The following PCDHGA6 variants were observed in gnomAD, a reference collection of about 807,000 sequenced individuals.
PCDHGA6 encodes the protein protocadherin gamma-A6.
PCDHGA6 carries 41 observed loss-of-function variants against 60.6 expected under a neutral mutation model. The observed-to-expected ratio is 0.68, with a 90% CI of 0.53 to 0.88. PCDHGA6 has a LOEUF of 0.88. Among genes scored for constraint, PCDHGA6 ranks in the 40% least tolerant of loss-of-function variants. The pLI, the probability that PCDHGA6 is intolerant of heterozygous loss-of-function variation, is 0.00. For missense variants in PCDHGA6, 1,312 were observed against 1,203.0 expected (o/e 1.09, Z -1.34); for synonymous variants, 594 against 524.4 (o/e 1.13, Z -1.81).
At chr5:141,419,472 G>T in intron 1 of PCDHGA6, 1 of 1,612,328 alleles carries the variant, frequency 6.2e-7, no homozygotes, top group South Asian at 1.1e-5. Flanking sequence ...CGCGACCAGG[G>T]CTCGCCCGCG....
At chr5:141,474,044 T>A (rs1442885504) in intron 1 of PCDHGA6, among the ~76,000 whole-genome samples, 3 of 152,162 alleles carry the variant, frequency 2.0e-5, no homozygotes. Context: ...TACTCCAGCC[T>A]GGATGACAGA....
intron 3 of PCDHGA6, among the ~76,000 whole-genome samples, chr5:141,508,711 T>G (rs1201917424): frequency 6.6e-6 from 1 of 152,058 alleles, no homozygotes; most frequent in Admixed American, 6.5e-5. Flanking sequence ...CTCATTCTTT[T>G]CTGTGTGCAG....
intron 1 of PCDHGA6, among the ~76,000 whole-genome samples, chr5:141,480,873 C>A (rs1026513782): frequency 6.6e-6 from 1 of 152,168 alleles, no homozygotes; most frequent in East Asian, 1.9e-4. Context: ...GGTGAAACCC[C>A]GTCTCTACTA....
Position 141,466,657 on chromosome 5 carries a change from C to T in PCDHGA6, c.2425-28150C>T, listed in dbSNP as rs143657719. Among the ~76,000 whole-genome samples the T allele has an allele frequency of 1.4e-3, 211 of 152,280 alleles. 1 individual carries two copies. The highest frequency in any genetic ancestry group is 4.7e-3 in the African/African-American group (197 of 41,542). On this transcript the variant is annotated intron_variant, in intron 1 of 3. Transcript: ENST00000517434. ...TCTCCATAAACTTTTCACAAAACAT[C>T]AGTGATTTCACCGTTCTTCCACTCA...
At chr5:141,502,961 A>G (rs886622146) in intron 2 of PCDHGA6, among the ~76,000 whole-genome samples, 3 of 146,786 alleles carry the variant, frequency 2.0e-5, no homozygotes, top group Non-Finnish European at 4.4e-5. Context: ...CTCCTGCCTC[A>G]GCCTCCCAAG....
At chr5:141,428,613 C>T (rs1247239314) in intron 1 of PCDHGA6, 1 of 212,608 alleles carries the variant, frequency 4.7e-6, no homozygotes, top group African/African-American at 2.3e-5. Flanking sequence ...AAGAGAATAA[C>T]AAGATAAGCT....
intron 2 of PCDHGA6, among the ~76,000 whole-genome samples, chr5:141,498,963 GGGAGGGAGGGAAGGAAGGAA>G (rs1472475865): frequency 5.7e-4 from 74 of 129,970 alleles, no homozygotes; most frequent in Non-Finnish European, 2.6e-4. Flanking sequence ...GAGAGAGGGA[GGGAGGGAGGGAAGGAAGGAA>G]GGAAGGAAGG....
intron 1 of PCDHGA6, chr5:141,422,401 C>G: frequency 6.3e-7 from 1 of 1,598,896 alleles, no homozygotes; most frequent in Non-Finnish European, 8.5e-7. Context: ...TAACCACCTG[C>G]CTTTTAAATT....
chr5:141,421,927 C>T (rs1179128418), intron 1 of PCDHGA6: 2 of 1,613,396 alleles, frequency 1.2e-6, no homozygotes, highest in African/African-American at 2.7e-5. Flanking sequence ...TGTGGTGGTC[C>T]TCGATGTAAA....
chr5:141,388,941 C>G, intron 1 of PCDHGA6: 1 of 1,613,962 alleles, frequency 6.2e-7, no homozygotes, highest in South Asian at 1.1e-5. Context: ...TCTACCCAAC[C>G]TAATTATGGA....
chr5:141,433,401 A>ATCTATCTATCTATCTC (rs1444244130), intron 1 of PCDHGA6, among the ~76,000 whole-genome samples: 1 of 150,482 alleles, frequency 6.6e-6, no homozygotes, highest in African/African-American at 2.4e-5. Context: ...CTATCTATCT[A>ATCTATCTATCTATCTC]TCTATTACTT....
At position 141,477,056 on chromosome 5, in the gene PCDHGA6, G is replaced by T; in HGVS notation, c.2425-17751G>T. 6.2e-7 allele frequency: 1 copy of T among 1,614,242 alleles called. No homozygotes were observed. The highest frequency in any genetic ancestry group is 8.5e-7 in the Non-Finnish European group (1 of 1,180,046). Reference sequence around the variant, plus strand: ...AATCAAGGGTCGGCTGGACTTCGAGGACACCAAACTCCATGAGATTTACAT... The same window carrying T: ...AATCAAGGGTCGGCTGGACTTCGAGTACACCAAACTCCATGAGATTTACAT... On this transcript the variant is annotated intron_variant, in intron 1 of 3. Coordinates refer to ENST00000517434, the MANE Select transcript of PCDHGA6 (RefSeq NM_018919.3). This position sits in a 1 kb window ranked among gnomAD's most constrained non-coding sequence, Gnocchi z 4.9.
At chr5:141,472,980 C>CAAAAAAA (rs60579131) in intron 1 of PCDHGA6, among the ~76,000 whole-genome samples, 1 of 86,102 alleles carries the variant, frequency 1.2e-5, no homozygotes, top group South Asian at 4.3e-4. Flanking sequence ...GAGTGAAACT[C>CAAAAAAA]AAAAAAAAAA....
chr5:141,400,168 C>G, intron 1 of PCDHGA6: 1 of 1,614,088 alleles, frequency 6.2e-7, no homozygotes, highest in South Asian at 1.1e-5. Context: ...CTCTGACCCC[C>G]AGGCTGAGCT....
intron 1 of PCDHGA6, chr5:141,413,526 G>A: frequency 6.2e-7 from 1 of 1,613,936 alleles, no homozygotes; most frequent in Non-Finnish European, 8.5e-7. Context: ...TGGAAGACAG[G>A]GTGAAACTTT....
intron 2 of PCDHGA6, among the ~76,000 whole-genome samples, chr5:141,495,550 G>A (rs999176899): frequency 6.6e-6 from 1 of 151,958 alleles, no homozygotes; most frequent in Non-Finnish European, 1.5e-5. Context: ...TCTCTATCTC[G>A]CTTTGCAATC....
rs2099631185 is a variant in PCDHGA6, at chr5:141,486,568, T to C, written c.2425-8239T>C. Reference sequence around the variant, plus strand: ...AGAGGTCACATGAGGTGTTTGTTCCTGAGAACAATCGCCCAGGGGACCTGC... The same window carrying C: ...AGAGGTCACATGAGGTGTTTGTTCCCGAGAACAATCGCCCAGGGGACCTGC... On this transcript the variant is annotated intron_variant, in intron 1 of 3. Coordinates refer to ENST00000517434, the MANE Select transcript of PCDHGA6 (RefSeq NM_018919.3). The surrounding 1 kb of genome is among the most constrained non-coding windows in gnomAD (Gnocchi z 5.0). 1.9e-6 allele frequency: 3 copies of C among 1,613,862 alleles called. No homozygotes were observed. The South Asian group carries it at 3.3e-5, about 18-fold the overall frequency.
intron 1 of PCDHGA6, chr5:141,394,825 T>G: frequency 6.2e-7 from 1 of 1,613,802 alleles, no homozygotes; most frequent in Non-Finnish European, 8.5e-7. Flanking sequence ...ATCCCCGAAG[T>G]CCTGACCGAG....
intron 1 of PCDHGA6, chr5:141,422,399 T>A: frequency 1.3e-6 from 2 of 1,598,374 alleles, no homozygotes; most frequent in Non-Finnish European, 1.7e-6. Context: ...CCTAACCACC[T>A]GCCTTTTAAA....
Sources: gnomAD v4.1 joint callset for allele counts (sites outside exome capture counted in the v4.1 genomes callset) on GRCh38, gnomAD v4.1.1 for gene constraint, Gnocchi (gnomAD v3.1) non-coding constraint, MANE v1.5 for transcripts, NCBI Gene and HGNC (gene_info 2026-07-23, HGNC 2026-07-21) for gene names.